Variants in GRIA4 observed in about 807,000 individuals in gnomAD.
The protein encoded by GRIA4 is glutamate receptor 4.
Under a neutral mutation model 104.0 loss-of-function variants are expected in GRIA4, and 34 were observed. That is an observed-to-expected ratio of 0.33 (90% CI 0.25 to 0.44). The LOEUF is 0.44. GRIA4 is among the 20% of genes least tolerant of loss of function. The pLI is 1.00. For synonymous variants in GRIA4, 386 were observed against 381.9 expected (o/e 1.01, Z -0.13); for missense variants, 750 against 1,096.5 (o/e 0.68, Z 4.46).
chr11:105,629,312 A>T (rs867526436), intron 3 of GRIA4, among the ~76,000 whole-genome samples: 44 of 151,886 alleles, frequency 2.9e-4, no homozygotes, highest in African/African-American at 1.1e-3. Context: ...TTCCATTTCC[A>T]TTTAGTGATA....
At chr11:105,811,751 A>G (rs896134271) in intron 4 of GRIA4, among the ~76,000 whole-genome samples, 8 of 152,210 alleles carry the variant, frequency 5.3e-5, no homozygotes, top group African/African-American at 1.9e-4. Context: ...TCACCTGAGC[A>G]TCCTGCATTT....
At chr11:105,702,658 T>C (rs970444719) in intron 3 of GRIA4, among the ~76,000 whole-genome samples, 1 of 149,970 alleles carries the variant, frequency 6.7e-6, no homozygotes, top group Non-Finnish European at 1.5e-5. Flanking sequence ...TATTAACACA[T>C]GCAATCTTAT....
chr11:105,659,833 G>C (rs1257981673), intron 3 of GRIA4, among the ~76,000 whole-genome samples: 1 of 151,706 alleles, frequency 6.6e-6, no homozygotes, highest in African/African-American at 2.4e-5. Context: ...TACCACAGAG[G>C]AAAGAGAGAG....
chr11:105,955,445 A>G (rs1371368993), intron 14 of GRIA4, among the ~76,000 whole-genome samples: 4 of 152,158 alleles, frequency 2.6e-5, no homozygotes, highest in Non-Finnish European at 5.9e-5. Flanking sequence ...CCTGCAAAGG[A>G]CATAATCTCA....
At chr11:105,819,384 A>G (rs1943498452) in intron 4 of GRIA4, among the ~76,000 whole-genome samples, 2 of 152,140 alleles carry the variant, frequency 1.3e-5, no homozygotes, top group Admixed American at 1.3e-4. Flanking sequence ...GTGACAATTA[A>G]TTCTCATAAA....
intron 5 of GRIA4, among the ~76,000 whole-genome samples, chr11:105,866,660 T>A (rs1945431966): frequency 6.7e-6 from 1 of 150,090 alleles, no homozygotes; most frequent in Admixed American, 6.7e-5. Context: ...GTAACTCCTG[T>A]CTGGTTAACT....
At chr11:105,867,453 A>G (rs1945462095) in intron 5 of GRIA4, among the ~76,000 whole-genome samples, 1 of 152,300 alleles carries the variant, frequency 6.6e-6, no homozygotes, top group South Asian at 2.1e-4. Context: ...TAGAGTTTTC[A>G]TTTACAAATT....
intron 3 of GRIA4, among the ~76,000 whole-genome samples, chr11:105,654,023 A>AG (rs1319077928): frequency 2.0e-4 from 30 of 149,040 alleles, no homozygotes; most frequent in Non-Finnish European, 2.5e-4. Flanking sequence ...AAAAAAAAAA[A>AG]AAAAGAAAAC....
At chr11:105,852,728 T>A (rs1944858373) in intron 4 of GRIA4, among the ~76,000 whole-genome samples, 1 of 152,170 alleles carries the variant, frequency 6.6e-6, no homozygotes, top group Non-Finnish European at 1.5e-5. Context: ...ATATAAAAAT[T>A]AGGCGAATCA....
At chr11:105,957,198 G>A (rs1464519444) in intron 14 of GRIA4, among the ~76,000 whole-genome samples, 1 of 152,148 alleles carries the variant, frequency 6.6e-6, no homozygotes, top group Admixed American at 6.6e-5. Context: ...CCTATGTCCT[G>A]TATGGTATTC....
At chr11:105,792,160 CATA>C (rs1246468146) in intron 4 of GRIA4, among the ~76,000 whole-genome samples, 1 of 152,110 alleles carries the variant, frequency 6.6e-6, no homozygotes, top group East Asian at 1.9e-4. Context: ...TACTGAACTT[CATA>C]ATGACTATTA....
At chr11:105,735,372 A>G (rs1481417111) in intron 3 of GRIA4, among the ~76,000 whole-genome samples, 1 of 152,190 alleles carries the variant, frequency 6.6e-6, no homozygotes, top group Non-Finnish European at 1.5e-5. Context: ...AATACTACTG[A>G]TTAAATATTT....
At chr11:105,863,635 G>T (rs1344422895) in intron 5 of GRIA4, among the ~76,000 whole-genome samples, 1 of 152,032 alleles carries the variant, frequency 6.6e-6, no homozygotes, top group Non-Finnish European at 1.5e-5. Context: ...TCCTGCCCCT[G>T]TATTGAGAGT....
At chr11:105,834,115 A>G (rs1379525677) in intron 4 of GRIA4, among the ~76,000 whole-genome samples, 3 of 152,070 alleles carry the variant, frequency 2.0e-5, no homozygotes, top group African/African-American at 7.2e-5. Flanking sequence ...TCTAAGAATA[A>G]GTTGTAATTA....
intron 5 of GRIA4, among the ~76,000 whole-genome samples, chr11:105,872,351 G>A (rs1945647927): frequency 6.6e-6 from 1 of 151,902 alleles, no homozygotes; most frequent in African/African-American, 2.4e-5. Flanking sequence ...AAGGGGCTAG[G>A]GTGAGAACAT....
intron 3 of GRIA4, among the ~76,000 whole-genome samples, chr11:105,702,858 C>A (rs1387225567): frequency 6.6e-6 from 1 of 151,852 alleles, no homozygotes; most frequent in Non-Finnish European, 1.5e-5. Context: ...TGACACCCGG[C>A]TAATTTTTGT....
chr11:105,617,834 AAG>A (rs1950639391), intron 3 of GRIA4, among the ~76,000 whole-genome samples: 1 of 152,044 alleles, frequency 6.6e-6, no homozygotes, highest in Non-Finnish European at 1.5e-5. Flanking sequence ...CCCAGTGGGA[AAG>A]AGAGACAAGT....
In GRIA4 at chr11:105,972,111, A is replaced by G. The variant is rs1858726731; in HGVS notation, c.2409+83A>G. On this transcript the variant is annotated intron_variant, in intron 15 of 16. Coordinates refer to ENST00000282499, the MANE Select transcript of GRIA4 (RefSeq NM_000829.4). Reference sequence around the variant, plus strand: ...ATTGTCAAAAGTATATGGAAACCATAAAAACTGAACATTATACACTCAACC... The same window carrying G: ...ATTGTCAAAAGTATATGGAAACCATGAAAACTGAACATTATACACTCAACC... 7 of 806,294 alleles carry G rather than the reference A, an allele frequency of 8.7e-6. No individual in the cohort carries two copies. In the Admixed American group the frequency reaches 1.4e-4, roughly 16 times the overall value. 49.9% of individuals were successfully genotyped at this position (806,294 alleles called of 1,614,324 possible). A position where few individuals can be genotyped will look rare whatever the true frequency, so the allele number is the denominator to read the frequency against.
intron 3 of GRIA4, among the ~76,000 whole-genome samples, chr11:105,632,408 T>A (rs1471668477): frequency 1.3e-5 from 2 of 152,186 alleles, no homozygotes; most frequent in Admixed American, 6.5e-5. Context: ...ATTTTTTTCA[T>A]TTGTAGAAAC....
Sources: allele counts gnomAD v4.1 joint callset (sites outside exome capture counted in the v4.1 genomes callset), GRCh38; gene constraint gnomAD v4.1.1; transcripts MANE v1.5; gene names NCBI Gene and HGNC (gene_info 2026-07-23, HGNC 2026-07-21).